The following KNTC1 variants were observed in gnomAD, a reference collection of about 807,000 sequenced individuals.
The protein encoded by KNTC1 is kinetochore-associated protein 1.
In KNTC1, 253 loss-of-function variants were observed where a neutral mutation model predicts 314.4. The ratio of observed to expected loss-of-function variants is 0.80; its 90% confidence interval spans 0.73 to 0.89. The LOEUF is 0.89. Ranked by LOEUF, KNTC1 falls within the 40% of genes least tolerant of loss-of-function variation. The pLI is 0.00. For missense variants in KNTC1, 2,475 were observed against 2,572.9 expected, an observed-to-expected ratio of 0.96 and a Z score of 0.82; for synonymous variants, 901 against 901.4, an observed-to-expected ratio of 1.00 and a Z score of 0.01.
At chr12:122,573,612 T>C (rs1293080694) in intron 26 of KNTC1, among the ~76,000 whole-genome samples, 3 of 152,096 alleles carry the variant, frequency 2.0e-5, no homozygotes, top group African/African-American at 7.2e-5. Flanking sequence ...CTTGGTTTTA[T>C]ATATTTTAGG....
intron 51 of KNTC1, 52 bp downstream of exon 51, chr12:122,605,467 T>C (rs1485999208): frequency 1.2e-6 from 1 of 854,186 alleles, no homozygotes; most frequent in Non-Finnish European, 1.9e-6. Context: ...ACTGATGGCT[T>C]CTTCTCAAAG....
intron 57 of KNTC1, 78 bp downstream of exon 57, chr12:122,615,604 A>C: frequency 7.7e-7 from 1 of 1,298,754 alleles, no homozygotes; most frequent in Non-Finnish European, 1.0e-6. Context: ...GGGACACTGG[A>C]TTAAGCAGTC....
intron 2 of KNTC1, among the ~76,000 whole-genome samples, chr12:122,533,475 G>A (rs1961541621): frequency 1.3e-5 from 2 of 152,094 alleles, no homozygotes. Flanking sequence ...TGGAAGGATC[G>A]TTTGAGTCCA....
At chr12:122,529,917 T>C (rs765951042) in intron 1 of KNTC1, 74 bp from the exon 2 acceptor site, 5 of 763,064 alleles carry the variant, frequency 6.6e-6, no homozygotes, top group Admixed American at 3.2e-5. Flanking sequence ...CTGTATATGT[T>C]AATGTTAGAC....
At chr12:122,566,297 G>A (rs376782338) in intron 20 of KNTC1, among the ~76,000 whole-genome samples, 7 of 149,978 alleles carry the variant, frequency 4.7e-5, no homozygotes, top group Admixed American at 2.7e-4. Context: ...GCCCAGGCTC[G>A]AGTGCGGTGG....
At chr12:122,600,794 T>C (rs2138104394) in intron 44 of KNTC1, among the ~76,000 whole-genome samples, 1 of 152,146 alleles carries the variant, frequency 6.6e-6, no homozygotes, top group Non-Finnish European at 1.5e-5. Context: ...GCCTCCCAAG[T>C]AGCTGGGACT....
At chr12:122,548,156 A>C (rs1361433773) in intron 12 of KNTC1, among the ~76,000 whole-genome samples, 187 bp downstream of exon 12, 1 of 152,174 alleles carries the variant, frequency 6.6e-6, no homozygotes, top group African/African-American at 2.4e-5. Context: ...CCATATTTTA[A>C]ATGGAGCACT....
chr12:122,585,694 G>C lies in KNTC1; in HGVS notation c.3593G>C (p.Ser1198Thr), dbSNP rs372569999. Residue 1198 changes from serine to threonine, a missense_variant, in exon 37 of 64, where the codon AGT becomes ACT. Coordinates refer to ENST00000333479, the MANE Select transcript of KNTC1 (RefSeq NM_014708.6). ...YEEWSYSDFF[S>T]EDGIVLESQM... ...GAGTGGTCTTACAGTGACTTCTTCA[G>C]TGAAGATGGAATTGTTCTTGAGTCA... 6.2e-7 allele frequency: 1 copy of C among 1,613,474 alleles called. No homozygotes were observed. The highest frequency in any genetic ancestry group is 8.5e-7 in the Non-Finnish European group (1 of 1,179,428).
In KNTC1 at chr12:122,594,361, C is replaced by G. The variant is rs751039434; in HGVS notation, c.4331C>G (p.Thr1444Arg). The G allele has an allele frequency of 1.9e-6, 3 of 1,596,924 alleles. No homozygotes were observed. The highest frequency in any genetic ancestry group is 1.7e-6 in the Non-Finnish European group (2 of 1,165,940). ...KALVENIDMD[T>R]SLILEYCSTF... is the part of the protein sequence containing the mutation. ...CTTGTGGAGAATATAGATATGGACACAAGCCTCATTTTGGAATATTGCAGG... is the reference window on the plus strand; with the variant it reads ...CTTGTGGAGAATATAGATATGGACAGAAGCCTCATTTTGGAATATTGCAGG... The change falls in exon 43 of 64, where the codon ACA becomes AGA. Residue 1444 changes from threonine (T) to arginine (R), a missense_variant. Transcript: ENST00000333479.
intron 31 of KNTC1, 42 bp downstream of exon 31, chr12:122,577,833 T>C (rs1965131245): frequency 6.4e-7 from 1 of 1,552,066 alleles, no homozygotes; most frequent in Non-Finnish European, 8.8e-7. Flanking sequence ...ATCCAATTTT[T>C]ATGGCTATTA....
At chr12:122,604,023 G>C (rs1478097423) in intron 48 of KNTC1, among the ~76,000 whole-genome samples, 1 of 152,128 alleles carries the variant, frequency 6.6e-6, no homozygotes, top group African/African-American at 2.4e-5. Flanking sequence ...AATTATACTA[G>C]AATATGTATG....
intron 18 of KNTC1, among the ~76,000 whole-genome samples, chr12:122,560,333 T>A (rs1039064834): frequency 2.0e-5 from 3 of 152,186 alleles, no homozygotes; most frequent in Non-Finnish European, 4.4e-5. Context: ...TCAGTTCTTT[T>A]GAGCATATAC....
At position 122,579,929 on chromosome 12, in the gene KNTC1, G is replaced by A. The variant is rs1214228825; in HGVS notation, c.2866G>A (p.Ala956Thr). 1.2e-6 allele frequency: 2 copies of A among 1,611,094 alleles called. No homozygotes were observed. Among genetic ancestry groups the A allele is most frequent in the Non-Finnish European group, 1.7e-6 (2 of 1,177,614 alleles). The part of the protein sequence containing the change: ...KEGKAWRMSV[A>T]KTSVDILKIL... ...GGGCAAGGCCTGGAGAATGTCTGTAGCGAAGACATCCGTGGACATTCTTAA... is the reference window on the plus strand; with the variant it reads ...GGGCAAGGCCTGGAGAATGTCTGTAACGAAGACATCCGTGGACATTCTTAA... Residue 956 changes from alanine to threonine, a missense_variant, in exon 32 of 64, where the codon GCG (alanine) becomes ACG (threonine). Coordinates refer to ENST00000333479, the MANE Select transcript of KNTC1 (RefSeq NM_014708.6).
chr12:122,581,695 A>G (rs1379201275), intron 33 of KNTC1, among the ~76,000 whole-genome samples: 7 of 144,120 alleles, frequency 4.9e-5, no homozygotes, highest in Non-Finnish European at 7.6e-5. Flanking sequence ...GGGTTTTGCC[A>G]TGTTTGCCAG....
chr12:122,624,046 C>G (rs1874732996), intron 62 of KNTC1, among the ~76,000 whole-genome samples: 1 of 152,024 alleles, frequency 6.6e-6, no homozygotes, highest in African/African-American at 2.4e-5. Context: ...CCAGCCTGTG[C>G]AACAAGAGTG....
intron 51 of KNTC1, among the ~76,000 whole-genome samples, chr12:122,608,135 A>G (rs780307137): frequency 6.6e-6 from 1 of 152,154 alleles, no homozygotes; most frequent in Non-Finnish European, 1.5e-5. Flanking sequence ...TGTTTGAGAT[A>G]GGGTCTCATT....
At chr12:122,532,178 C>T (rs186894334) in intron 2 of KNTC1, among the ~76,000 whole-genome samples, 38 of 149,472 alleles carry the variant, frequency 2.5e-4, no homozygotes, top group Middle Eastern at 3.5e-3. Flanking sequence ...GGATTATAGG[C>T]GCCTGCCACC....
chr12:122,542,074 C>A lies in KNTC1; in HGVS notation c.470C>A (p.Thr157Lys). The change falls in exon 6 of 64, where the codon ACA becomes AAA. Residue 157 changes from threonine to lysine, a missense_variant. Thr to Lys is a moderately conservative substitution (Grantham distance 78). Transcript: ENST00000333479. ...GGTACCTATTATATGCTACTTCTTA[C>A]ATACAGTGGATTTTTTTGTATTACA... The part of the protein sequence containing the change: ...NEGTYYMLLL[T>K]YSGFFCITNL... The A allele has an allele frequency of 1.3e-6, 2 of 1,547,300 alleles. No individual in the cohort carries two copies. The highest frequency in any genetic ancestry group is 1.8e-6 in the Non-Finnish European group (2 of 1,136,712).
intron 3 of KNTC1, among the ~76,000 whole-genome samples, chr12:122,535,299 A>C (rs1283381855): frequency 6.6e-6 from 1 of 151,806 alleles, no homozygotes; most frequent in Non-Finnish European, 1.5e-5. Context: ...TGAGGCCACC[A>C]GATCACTTGC....
Sources: allele counts gnomAD v4.1 joint callset (sites outside exome capture counted in the v4.1 genomes callset), GRCh38; gene constraint gnomAD v4.1.1; transcripts MANE v1.5; gene names NCBI Gene and HGNC (gene_info 2026-07-23, HGNC 2026-07-21).